Variants in CNTNAP5 observed in about 807,000 individuals in gnomAD.
CNTNAP5 encodes contactin-associated protein-like 5.
In CNTNAP5, 72 loss-of-function variants were observed where a neutral mutation model predicts 150.2. That is an observed-to-expected ratio of 0.48 (90% CI 0.40 to 0.58). The LOEUF (loss-of-function observed/expected upper bound fraction) is 0.58. Ranked by LOEUF, CNTNAP5 falls within the 20% of genes least tolerant of loss-of-function variation. The pLI is 0.00. For synonymous variants in CNTNAP5, 672 were observed against 619.8 expected, an observed-to-expected ratio of 1.08 and a Z score of -1.25; for missense variants, 1,636 against 1,626.2, an observed-to-expected ratio of 1.01 and a Z score of -0.10.
intron 1 of CNTNAP5, among the ~76,000 whole-genome samples, chr2:124,181,569 G>A (rs192507098): frequency 8.5e-5 from 13 of 152,162 alleles, no homozygotes; most frequent in African/African-American, 3.1e-4. Flanking sequence ...CAGGTTAAGT[G>A]GATAAAGTGT....
At chr2:124,159,240 C>T (rs1029293957) in intron 1 of CNTNAP5, among the ~76,000 whole-genome samples, 1 of 152,106 alleles carries the variant, frequency 6.6e-6, no homozygotes, top group African/African-American at 2.4e-5. Flanking sequence ...GGTGATATCT[C>T]AGTTTGTGAG....
intron 17 of CNTNAP5, among the ~76,000 whole-genome samples, chr2:124,789,106 CT>C (rs998896109): frequency 5.9e-5 from 9 of 152,232 alleles, no homozygotes; most frequent in Non-Finnish European, 1.2e-4. Context: ...TTCCACTCCA[CT>C]GCACTGCACT....
intron 1 of CNTNAP5, among the ~76,000 whole-genome samples, chr2:124,098,352 T>C (rs535414487): frequency 6.6e-6 from 1 of 152,266 alleles, no homozygotes; most frequent in Admixed American, 6.5e-5. Context: ...TTGGTCTTGA[T>C]ATGCAGGGGT....
intron 11 of CNTNAP5, among the ~76,000 whole-genome samples, chr2:124,578,217 C>A (rs1395490560): frequency 2.7e-5 from 4 of 149,136 alleles, no homozygotes; most frequent in Non-Finnish European, 4.4e-5. Context: ...GTAATCCCAG[C>A]TACCTGGGAG....
chr2:124,419,153 A>AAAAAAAAAAAAAAAAAAAAAAAAC (rs1553466545), intron 4 of CNTNAP5, among the ~76,000 whole-genome samples: 9 of 76,422 alleles, frequency 1.2e-4, no homozygotes, highest in South Asian at 4.5e-4. Context: ...AAAAAAAAAA[A>AAAAAAAAAAAAAAAAAAAAAAAAC]AAAAAAAAAA....
chr2:124,580,354 CT>C (rs1391912114), intron 11 of CNTNAP5, among the ~76,000 whole-genome samples: 2 of 152,220 alleles, frequency 1.3e-5, no homozygotes, highest in African/African-American at 4.8e-5. Flanking sequence ...ACTGTAGCCA[CT>C]CACTGAGTTT....
intron 1 of CNTNAP5, among the ~76,000 whole-genome samples, chr2:124,042,372 A>AT (rs1457354653): frequency 6.6e-6 from 1 of 152,166 alleles, no homozygotes; most frequent in Non-Finnish European, 1.5e-5. Context: ...GATAAAGAAT[A>AT]TTTTTAAGAA....
intron 11 of CNTNAP5, among the ~76,000 whole-genome samples, chr2:124,570,665 G>T (rs1447737720): frequency 1.3e-5 from 2 of 152,108 alleles, no homozygotes; most frequent in African/African-American, 2.4e-5. Flanking sequence ...AAGATGGAAG[G>T]TGTGGGTACT....
intron 3 of CNTNAP5, among the ~76,000 whole-genome samples, chr2:124,348,302 G>A (rs1689791142): frequency 6.6e-6 from 1 of 151,920 alleles, no homozygotes; most frequent in Admixed American, 6.6e-5. Context: ...TTTTAATTTA[G>A]ATTAATTTTA....
intron 9 of CNTNAP5, among the ~76,000 whole-genome samples, chr2:124,524,965 G>A (rs780542060): frequency 1.4e-4 from 22 of 152,234 alleles, no homozygotes; most frequent in Non-Finnish European, 2.8e-4. Flanking sequence ...GGAATGAGGA[G>A]GAATTAGGAG....
intron 1 of CNTNAP5, among the ~76,000 whole-genome samples, chr2:124,079,387 A>G (rs1682507933): frequency 6.6e-6 from 1 of 152,164 alleles, no homozygotes; most frequent in Admixed American, 6.5e-5. Context: ...TCTGGGCCAC[A>G]GCTGTTTGGG....
intron 8 of CNTNAP5, among the ~76,000 whole-genome samples, chr2:124,522,355 G>A (rs977907833): frequency 6.6e-6 from 1 of 152,138 alleles, no homozygotes; most frequent in Non-Finnish European, 1.5e-5. Context: ...TGCTACTTTT[G>A]GTGAGATCCT....
intron 1 of CNTNAP5, among the ~76,000 whole-genome samples, chr2:124,037,568 A>C (rs1681259674): frequency 6.6e-6 from 1 of 152,242 alleles, no homozygotes; most frequent in Non-Finnish European, 1.5e-5. Context: ...ATGTCAAGTG[A>C]AACAAGCCAG....
chr2:124,675,086 T>C (rs901743171), intron 13 of CNTNAP5, among the ~76,000 whole-genome samples: 5 of 152,128 alleles, frequency 3.3e-5, no homozygotes, highest in African/African-American at 9.6e-5. Context: ...TGCCCATTTC[T>C]TCAACTTTTT....
At chr2:124,177,492 C>A (rs147782463) in intron 1 of CNTNAP5, among the ~76,000 whole-genome samples, 81 of 152,212 alleles carry the variant, frequency 5.3e-4, no homozygotes, top group African/African-American at 1.7e-3. Context: ...ACTCTTGTAT[C>A]TGAAACGTTA....
intron 1 of CNTNAP5, among the ~76,000 whole-genome samples, chr2:124,129,943 GAC>G (rs1438553573): frequency 6.6e-6 from 1 of 152,122 alleles, no homozygotes; most frequent in Non-Finnish European, 1.5e-5. Flanking sequence ...AAGCACTGAA[GAC>G]ATCATGGTAA....
intron 3 of CNTNAP5, among the ~76,000 whole-genome samples, chr2:124,290,874 C>CTTTATTTATTTA (rs59044145): frequency 7.4e-4 from 110 of 148,540 alleles, no homozygotes; most frequent in Non-Finnish European, 1.0e-3. Context: ...ATCTTCCTTC[C>CTTTATTTATTTA]TTTATTTATT....
At chr2:124,349,257 C>G (rs2104700352) in intron 3 of CNTNAP5, among the ~76,000 whole-genome samples, 1 of 152,306 alleles carries the variant, frequency 6.6e-6, no homozygotes. Flanking sequence ...GACTATACAC[C>G]TGTACAGCCT....
chr2:124,255,725 A>G (rs1386004059), intron 3 of CNTNAP5, among the ~76,000 whole-genome samples: 3 of 152,052 alleles, frequency 2.0e-5, no homozygotes, highest in Non-Finnish European at 4.4e-5. Flanking sequence ...GCCAAGTACA[A>G]TTATCACAGG....
Sources: gnomAD v4.1 joint callset for allele counts (sites outside exome capture counted in the v4.1 genomes callset) on GRCh38, gnomAD v4.1.1 for gene constraint, MANE v1.5 for transcripts, NCBI Gene and HGNC (gene_info 2026-07-23, HGNC 2026-07-21) for gene names.